Variants in POU2F3 observed in about 807,000 individuals in gnomAD.
The protein encoded by POU2F3 is POU class 2 homeobox 3.
Under a neutral mutation model 59.2 loss-of-function variants are expected in POU2F3, and 23 were observed. That is an observed-to-expected ratio of 0.39 (90% CI 0.28 to 0.55). The LOEUF (loss-of-function observed/expected upper bound fraction) is 0.55, where lower values mean the gene tolerates loss of function less well. Among genes scored for constraint, POU2F3 ranks in the 20% least tolerant of loss-of-function variants. The pLI is 0.66. For missense variants in POU2F3, 473 were observed against 544.5 expected, an observed-to-expected ratio of 0.87 and a Z score of 1.31; for synonymous variants, 190 against 214.6, an observed-to-expected ratio of 0.89 and a Z score of 1.00.
intron 10 of POU2F3, among the ~76,000 whole-genome samples, chr11:120,313,980 C>T (rs1239855312): frequency 6.6e-6 from 1 of 152,176 alleles, no homozygotes; most frequent in African/African-American, 2.4e-5. Flanking sequence ...TGCCATTGCA[C>T]TCCAGCCTGG....
At position 120,269,259 on chromosome 11, in the gene POU2F3, C is replaced by G; in HGVS notation, c.132+15C>G. On this transcript the variant is annotated intron_variant, in intron 3 of 12. Coordinates refer to ENST00000543440, the MANE Select transcript of POU2F3 (RefSeq NM_014352.4). ...TCAACAGGCAGGTAAGAACTTGGGT[C>G]AGAAAGAAACGTTTATTCTATAAAA... The G allele has an allele frequency of 6.4e-7, 1 of 1,569,946 alleles. No homozygotes were observed. Among genetic ancestry groups the G allele is most frequent in the Non-Finnish European group, 8.8e-7 (1 of 1,140,236 alleles).
rs1941594690 is a variant in POU2F3, at chr11:120,309,461, G to T, written c.943G>T (p.Ala315Ser). ...KPSSEEISMIAEQLSMEKEVV... is the reference protein window; with the variant it reads ...KPSSEEISMISEQLSMEKEVV... ...CAGCTCGGAGGAGATCTCCATGATT[G>T]CAGAGCAGTTGTCCATGGAGAAGGA... Residue 315 changes from alanine to serine, a missense_variant, in exon 10 of 13, where the codon GCA (alanine) becomes TCA (serine). Transcript: ENST00000543440. The T allele has an allele frequency of 5.6e-6, 9 of 1,614,004 alleles. No individual in the cohort carries two copies. Among genetic ancestry groups the T allele is most frequent in the Non-Finnish European group, 7.6e-6 (9 of 1,179,920 alleles).
upstream of POU2F3, among the ~76,000 whole-genome samples, chr11:120,240,041 T>C (rs1022430844): frequency 6.6e-6 from 1 of 152,162 alleles, no homozygotes; most frequent in Non-Finnish European, 1.5e-5. Context: ...GCTCCATGTA[T>C]GCAAATCACT....
chr11:120,273,529 T>C (rs1386894476), intron 3 of POU2F3, among the ~76,000 whole-genome samples: 1 of 152,124 alleles, frequency 6.6e-6, no homozygotes, highest in African/African-American at 2.4e-5. Flanking sequence ...AGCAAAGAAG[T>C]CTGGGGCTTA....
chr11:120,243,381 C>A (rs1019649122), intron 1 of POU2F3, among the ~76,000 whole-genome samples: 1 of 151,906 alleles, frequency 6.6e-6, no homozygotes, highest in Non-Finnish European at 1.5e-5. Flanking sequence ...TGCTTCCTCT[C>A]GAGCTTTCTT....
intron 3 of POU2F3, among the ~76,000 whole-genome samples, chr11:120,287,606 T>G (rs1940830867): frequency 6.6e-6 from 1 of 152,232 alleles, no homozygotes; most frequent in South Asian, 2.1e-4. Flanking sequence ...CCACTCAGCC[T>G]TTTGGTAACA....
chr11:120,292,356 CAAAAAA>C lies in POU2F3; in HGVS notation c.133-5906_133-5901del, dbSNP rs138222063. The stretch of plus-strand genomic sequence containing the variant: ...AGCAGCCCAGGGATATGTTAAAAAA[CAAAAAA>C]AACAAAAACAAAAACAAAAAAAAAG... On this transcript the variant is annotated intron_variant, in intron 3 of 12. Transcript: ENST00000543440. Among the ~76,000 whole-genome samples the C allele has an allele frequency of 2.7e-5, 4 of 149,106 alleles. No individual in the cohort carries two copies. In the East Asian group the frequency reaches 7.9e-4, roughly 29 times the overall value.
intron 3 of POU2F3, among the ~76,000 whole-genome samples, chr11:120,291,668 T>C (rs1306405886): frequency 6.6e-6 from 1 of 152,212 alleles, no homozygotes; most frequent in Admixed American, 6.5e-5. Context: ...TTACCAGCAG[T>C]GTGGCTTTAT....
intron 12 of POU2F3, among the ~76,000 whole-genome samples, chr11:120,317,977 C>T (rs930359466): frequency 6.6e-6 from 1 of 152,188 alleles, no homozygotes; most frequent in Non-Finnish European, 1.5e-5. Context: ...AAAAGATGAA[C>T]CCAGCTGTCC....
At chr11:120,292,671 G>A (rs559923283) in intron 3 of POU2F3, among the ~76,000 whole-genome samples, 152 of 152,344 alleles carry the variant, frequency 1.0e-3, no homozygotes, top group African/African-American at 3.6e-3. Context: ...GAGGGGATGA[G>A]GTTCACAAAA....
chr11:120,274,893 C>A (rs1940257062), intron 3 of POU2F3, among the ~76,000 whole-genome samples: 1 of 152,094 alleles, frequency 6.6e-6, no homozygotes, highest in African/African-American at 2.4e-5. Flanking sequence ...GCCATGCTCA[C>A]AAAGGAGAGA....
intron 1 of POU2F3, among the ~76,000 whole-genome samples, chr11:120,243,251 A>C (rs1042945107): frequency 1.3e-5 from 2 of 151,982 alleles, no homozygotes; most frequent in African/African-American, 4.8e-5. Flanking sequence ...AGCCAGAGGG[A>C]GCTCCCGTCC....
At chr11:120,307,987 CA>C (rs1459507539) in intron 9 of POU2F3, among the ~76,000 whole-genome samples, 1 of 152,140 alleles carries the variant, frequency 6.6e-6, no homozygotes, top group African/African-American at 2.4e-5. Flanking sequence ...ATTTTCTATG[CA>C]GTACATTTTG....
At chr11:120,250,379 C>T (rs1402074916) in intron 2 of POU2F3, 1 of 152,222 alleles carries the variant, frequency 6.6e-6, no homozygotes, top group Non-Finnish European at 1.5e-5. Flanking sequence ...AAGGAGTTGT[C>T]CTTCTAGTGC....
rs1940757124 is a variant in POU2F3 at position 120,285,741 on chromosome 11, C to T, written c.133-12524C>T. On this transcript the variant is annotated intron_variant, in intron 3 of 12. Transcript: ENST00000543440. The surrounding 1 kb of genome is among the most constrained non-coding windows in gnomAD (Gnocchi z 4.3). ...GAAATGTATAAATTTTTGTGGCCTA[C>T]ACACATATGTACAAATTATACCGTA... Among the ~76,000 whole-genome samples the T allele has an allele frequency of 6.6e-6, 1 of 152,190 alleles. No homozygotes were observed. The highest frequency in any genetic ancestry group is 6.5e-5 in the Admixed American group (1 of 15,282).
chr11:120,316,614 C>G (rs1487382657), intron 11 of POU2F3, among the ~76,000 whole-genome samples: 1 of 152,168 alleles, frequency 6.6e-6, no homozygotes, highest in Non-Finnish European at 1.5e-5. Context: ...TTTGCAGAGA[C>G]TGGGTTTCGC....
chr11:120,288,128 C>CAAAAAAAAAAAACAA, intron 3 of POU2F3, among the ~76,000 whole-genome samples: 1 of 63,330 alleles, frequency 1.6e-5, no homozygotes, highest in Non-Finnish European at 2.6e-5. Flanking sequence ...ACAAAAAAAC[C>CAAAAAAAAAAAACAA]AAAAAAAAAA....
intron 1 of POU2F3, among the ~76,000 whole-genome samples, chr11:120,240,785 G>A (rs1249020041): frequency 1.3e-5 from 2 of 152,124 alleles, no homozygotes; most frequent in African/African-American, 4.8e-5. Context: ...CTGGTGTCCG[G>A]GCATATGTGT....
intron 2 of POU2F3, among the ~76,000 whole-genome samples, chr11:120,248,373 G>C (rs867254277): frequency 6.6e-6 from 1 of 152,190 alleles, no homozygotes; most frequent in South Asian, 2.1e-4. Context: ...TTTTGTAAAG[G>C]GGGAAAAGTA....
Sources: gnomAD v4.1 joint callset for allele counts (sites outside exome capture counted in the v4.1 genomes callset) on GRCh38, gnomAD v4.1.1 for gene constraint, Gnocchi (gnomAD v3.1) non-coding constraint, MANE v1.5 for transcripts, NCBI Gene and HGNC (gene_info 2026-07-23, HGNC 2026-07-21) for gene names.